The following CAP2 variants were observed in gnomAD, a reference collection of about 807,000 sequenced individuals.
CAP2 encodes adenylyl cyclase-associated protein 2.
In CAP2, 24 loss-of-function variants were observed where a neutral mutation model predicts 57.7. The observed-to-expected ratio is 0.42, with a 90% confidence interval of 0.30 to 0.58. CAP2 has a LOEUF of 0.58. Among genes scored for constraint, CAP2 ranks in the 20% least tolerant of loss-of-function variants. The pLI is 0.22. For missense variants in CAP2, 501 were observed against 590.3 expected (o/e 0.85, Z 1.57); for synonymous variants, 194 against 207.2 (o/e 0.94, Z 0.55).
intron 12 of CAP2, 54 bp downstream of exon 12, chr6:17,551,658 C>T (rs967256593): frequency 6.5e-6 from 9 of 1,380,614 alleles, no homozygotes; most frequent in South Asian, 1.4e-5. Flanking sequence ...TCATTATTAA[C>T]ATTCTTAGAG....
Position 17,409,109 on chromosome 6 carries a change from C to T in CAP2, c.-1-12446C>T, listed in dbSNP as rs141997128. On this transcript the variant is annotated intron_variant, in intron 1 of 12. Transcript: ENST00000229922. ...GTGTGAGGCTGGGCGTGGTGGCTCACGCCTGTAATCCCAGCACTTTAGGAG... is the reference window on the plus strand; with the variant it reads ...GTGTGAGGCTGGGCGTGGTGGCTCATGCCTGTAATCCCAGCACTTTAGGAG... Among the ~76,000 whole-genome samples the T allele has an allele frequency of 3.2e-3, 480 of 150,154 alleles. 5 individuals carry two copies. Among genetic ancestry groups the T allele is most frequent in the Middle Eastern group, 0.017 (5 of 292 alleles).
Position 17,461,218 on chromosome 6 carries a change from CTT to C in CAP2, c.223-1768_223-1767del, listed in dbSNP as rs35423332. Among the ~76,000 whole-genome samples, 246 of 148,044 alleles carry C rather than the reference CTT, an allele frequency of 1.7e-3. 1 individual carries two copies. Among genetic ancestry groups the C allele is most frequent in the African/African-American group, 5.7e-3 (232 of 40,480 alleles). ...AAAAAAACCCTGTAATCTTTGAAAC[CTT>C]TTTTTTTTTCTTTTTTTGAGACGTA... On this transcript the variant is annotated intron_variant, in intron 3 of 12. Coordinates refer to ENST00000229922, the MANE Select transcript of CAP2 (RefSeq NM_006366.3).
chr6:17,460,169 G>A (rs983445128), intron 3 of CAP2, among the ~76,000 whole-genome samples: 1 of 152,158 alleles, frequency 6.6e-6, no homozygotes, highest in Non-Finnish European at 1.5e-5. Context: ...CTGGGGCCAC[G>A]CTCTCTGAAA....
intron 7 of CAP2, 76 bp downstream of exon 7, chr6:17,514,030 A>G: frequency 1.1e-6 from 1 of 882,092 alleles, no homozygotes; most frequent in Non-Finnish European, 1.9e-6. Context: ...CAGTAATCTC[A>G]CACCTTAAAA....
intron 3 of CAP2, among the ~76,000 whole-genome samples, chr6:17,444,432 A>G (rs1260929941): frequency 6.6e-6 from 1 of 152,002 alleles, no homozygotes; most frequent in African/African-American, 2.4e-5. Context: ...AGGTCAAGAG[A>G]TAGAGACCAT....
intron 3 of CAP2, among the ~76,000 whole-genome samples, chr6:17,450,985 C>T (rs1220761069): frequency 1.3e-5 from 2 of 152,116 alleles, no homozygotes; most frequent in African/African-American, 4.8e-5. Flanking sequence ...ATATTGCCAA[C>T]ATATTCGTTA....
intron 4 of CAP2, among the ~76,000 whole-genome samples, chr6:17,469,476 C>T (rs776096268): frequency 6.6e-6 from 1 of 151,892 alleles, no homozygotes; most frequent in Non-Finnish European, 1.5e-5. Flanking sequence ...TGTACCTGCA[C>T]ATAGAGAAAA....
chr6:17,410,503 G>C (rs1199430327), intron 1 of CAP2, among the ~76,000 whole-genome samples: 3 of 152,136 alleles, frequency 2.0e-5, no homozygotes, highest in Non-Finnish European at 4.4e-5. Context: ...ACTTGGAGCA[G>C]TATCTGGGTA....
chr6:17,532,227 G>A (rs1449320675), intron 7 of CAP2, among the ~76,000 whole-genome samples: 2 of 132,598 alleles, frequency 1.5e-5, no homozygotes, highest in South Asian at 2.5e-4. Context: ...TGCAACCTCC[G>A]CCTCCCGAGT....
At chr6:17,434,560 G>A (rs1759824469) in intron 3 of CAP2, among the ~76,000 whole-genome samples, 1 of 152,104 alleles carries the variant, frequency 6.6e-6, no homozygotes, top group African/African-American at 2.4e-5. Flanking sequence ...TGTTTGCATG[G>A]GTTAAAAAAT....
chr6:17,405,299 G>GCA (rs1561771230), intron 1 of CAP2, among the ~76,000 whole-genome samples: 2 of 151,820 alleles, frequency 1.3e-5, no homozygotes, highest in African/African-American at 2.4e-5. Context: ...GGAGAATCGT[G>GCA]TGAACCCAGG....
intron 12 of CAP2, among the ~76,000 whole-genome samples, chr6:17,552,506 G>C (rs183743097): frequency 6.6e-6 from 1 of 152,004 alleles, no homozygotes; most frequent in African/African-American, 2.4e-5. Context: ...AAAATTAGCC[G>C]TGTGAATCCC....
chr6:17,479,840 C>G (rs1761244624), intron 4 of CAP2, among the ~76,000 whole-genome samples: 1 of 151,906 alleles, frequency 6.6e-6, no homozygotes, highest in Non-Finnish European at 1.5e-5. Context: ...TGATCTCGAT[C>G]TCCTGACCTC....
At chr6:17,467,541 T>G (rs1760898318) in intron 4 of CAP2, among the ~76,000 whole-genome samples, 1 of 152,190 alleles carries the variant, frequency 6.6e-6, no homozygotes, top group Non-Finnish European at 1.5e-5. Context: ...TTTGTTTTTT[T>G]GGGACGGAAT....
chr6:17,506,348 A>G (rs1458094455), intron 4 of CAP2, among the ~76,000 whole-genome samples: 1 of 152,086 alleles, frequency 6.6e-6, no homozygotes, highest in Non-Finnish European at 1.5e-5. Flanking sequence ...AAATATGATA[A>G]GCCATCACAT....
In CAP2 at chr6:17,477,296, C is replaced by T. The variant is rs150887700; in HGVS notation, c.300+14223C>T. Among the ~76,000 whole-genome samples, 77 of 152,324 alleles carry T rather than the reference C, an allele frequency of 5.1e-4. 1 individual carries two copies. The highest frequency in any genetic ancestry group is 1.7e-3 in the African/African-American group (70 of 41,564). ...TAACTGTGAGATGCAGGGCTGCCTG[C>T]GCTGTTACAGCATGTCATCCGGCCA... On this transcript the variant is annotated intron_variant, in intron 4 of 12. Coordinates refer to ENST00000229922, the MANE Select transcript of CAP2 (RefSeq NM_006366.3).
intron 4 of CAP2, among the ~76,000 whole-genome samples, chr6:17,478,129 AC>A (rs1166743382): frequency 6.7e-6 from 1 of 150,076 alleles, no homozygotes; most frequent in Non-Finnish European, 1.5e-5. Flanking sequence ...TCCTATAATG[AC>A]CCCTCGGTTG....
rs1980492 is a variant in CAP2 at position 17,435,732 on chromosome 6, A to C, written c.222+9042A>C. Among the ~76,000 whole-genome samples the C allele has an allele frequency of 8.5e-3, 1,129 of 132,440 alleles. 20 individuals carry two copies. The highest frequency in any genetic ancestry group is 0.037 in the African/African-American group (1,011 of 27,096). The allele number at this position is 132,440 out of a possible 152,430, so 86.9% of individuals were successfully genotyped here. A position where few individuals can be genotyped will look rare whatever the true frequency, so the allele number is the denominator to read the frequency against. ...AGTTTACGGATAAAAAAAAAAAAAA[A>C]CAAAAAAAAAACAATATATTCTAGA... On this transcript the variant is annotated intron_variant, in intron 3 of 12. Coordinates refer to ENST00000229922, the MANE Select transcript of CAP2 (RefSeq NM_006366.3).
chr6:17,522,588 G>A (rs1356345707), intron 7 of CAP2, among the ~76,000 whole-genome samples: 1 of 152,226 alleles, frequency 6.6e-6, no homozygotes, highest in Non-Finnish European at 1.5e-5. Context: ...AAAGGGAAGG[G>A]CAGTTTTGGG....
Sources: gnomAD v4.1 joint callset for allele counts (sites outside exome capture counted in the v4.1 genomes callset) on GRCh38, gnomAD v4.1.1 for gene constraint, MANE v1.5 for transcripts, NCBI Gene and HGNC (gene_info 2026-07-23, HGNC 2026-07-21) for gene names.